Variants in SH2B1 observed in about 807,000 individuals in gnomAD.
The protein encoded by SH2B1 is SH2B adapter protein 1.
A neutral mutation model predicts 62.6 loss-of-function variants in SH2B1; 15 were observed. The observed-to-expected ratio is 0.24, with a 90% confidence interval of 0.16 to 0.37. The LOEUF (loss-of-function observed/expected upper bound fraction) is 0.37, where lower values mean the gene tolerates loss of function less well. SH2B1 is among the 10% of genes least tolerant of loss of function. The pLI, the probability that SH2B1 is intolerant of heterozygous loss-of-function variation, is 1.00. For missense variants in SH2B1, 925 were observed against 1,015.6 expected (o/e 0.91, Z 1.21); for synonymous variants, 443 against 438.0 (o/e 1.01, Z -0.14).
Position 28,872,102 on chromosome 16 carries a change from G to T in SH2B1, c.1514-88G>T. 1 of 1,413,672 alleles carries T rather than the reference G, an allele frequency of 7.1e-7. No individual in the cohort carries two copies. Among genetic ancestry groups the T allele is most frequent in the Non-Finnish European group, 9.9e-7 (1 of 1,009,780 alleles). The allele number at this position is 1,413,672 out of a possible 1,614,324, so 87.6% of individuals were successfully genotyped here. On this transcript the variant is annotated intron_variant, in intron 5 of 7. Coordinates refer to ENST00000684370, the MANE Select transcript of SH2B1 (RefSeq NM_001387430.1). The surrounding 1 kb of genome is among the most constrained non-coding windows in gnomAD (Gnocchi z 5.3). Reference sequence around the variant, plus strand: ...TTGGGGACGCATGTGGGGAGCAGGCGCCTTGAGGGGAAGGCAAGGCTTTTT... The same window carrying T: ...TTGGGGACGCATGTGGGGAGCAGGCTCCTTGAGGGGAAGGCAAGGCTTTTT...
chr16:28,853,111 C>G (rs1328202428), intron 1 of SH2B1, among the ~76,000 whole-genome samples: 1 of 112,896 alleles, frequency 8.9e-6, no homozygotes, highest in Non-Finnish European at 1.7e-5. Flanking sequence ...TTTATATATA[C>G]ATTTATATAT....
chr16:28,846,756 C>G (rs1961980718), exon 1 of SH2B1: 1 of 159,288 alleles, frequency 6.3e-6, no homozygotes, highest in African/African-American at 2.4e-5. Flanking sequence ...AGAGAGAGAC[C>G]CCGAGTCCCC....
In SH2B1 at chr16:28,866,099, A is replaced by G. The variant is rs748880429; in HGVS notation, c.5A>G (p.Asn2Ser). 6.4e-7 allele frequency: 1 copy of G among 1,564,938 alleles called. No homozygotes were observed. The highest frequency in any genetic ancestry group is 8.6e-7 in the Non-Finnish European group (1 of 1,158,402). Residue 2 changes from asparagine to serine, a missense_variant, in exon 1 of 8, where the codon AAT (asparagine) becomes AGT (serine). Physicochemically the swap from Asn to Ser is conservative, Grantham distance 46 (BLOSUM62 1). Around this residue, in one of 3 missense-constraint regions of SH2B1, gnomAD observed 683 missense variants for 704.0 expected, o/e 0.97. Coordinates refer to ENST00000684370, the MANE Select transcript of SH2B1 (RefSeq NM_001387430.1). This position sits in a 1 kb window ranked among gnomAD's most constrained non-coding sequence, Gnocchi z 6.3. Reference protein sequence around the residue: MNGAPSPEDGAS... With the variant: MSGAPSPEDGAS... Reference sequence around the variant, plus strand: ...CTCCACCTCCTGGGGCCCATCATGAATGGTGCCCCTTCCCCAGAGGACGGG... The same window carrying G: ...CTCCACCTCCTGGGGCCCATCATGAGTGGTGCCCCTTCCCCAGAGGACGGG...
At chr16:28,855,357 T>C (rs967607923) in intron 1 of SH2B1, among the ~76,000 whole-genome samples, 1 of 151,442 alleles carries the variant, frequency 6.6e-6, no homozygotes, top group Non-Finnish European at 1.5e-5. Flanking sequence ...GTAGCTGGGA[T>C]TACAGGCAAG....
At chr16:28,848,092 C>G (rs1368847419) in intron 1 of SH2B1, among the ~76,000 whole-genome samples, 1 of 151,630 alleles carries the variant, frequency 6.6e-6, no homozygotes, top group Non-Finnish European at 1.5e-5. Flanking sequence ...TCCCAAAGTG[C>G]TGGGACTACA....
At chr16:28,852,471 C>T (rs1274265622) in intron 1 of SH2B1, among the ~76,000 whole-genome samples, 3 of 71,714 alleles carry the variant, frequency 4.2e-5, no homozygotes, top group Admixed American at 2.4e-4. Flanking sequence ...TATATATATA[C>T]ATATATATTT....
rs937763922 is a variant in SH2B1 at position 28,865,302 on chromosome 16, C to T, written c.-793C>T. On this transcript the variant is annotated 5_prime_UTR_variant, in exon 1 of 8. Transcript: ENST00000684370. ...TATTTCACATCTCCTTCACGCAGTG[C>T]GTGGGTGCTGGACTCTGGGGTCAGC... The T allele has an allele frequency of 4.4e-5, 43 of 985,570 alleles. No individual in the cohort carries two copies. Among genetic ancestry groups the T allele is most frequent in the Non-Finnish European group, 5.1e-5 (42 of 829,998 alleles). 61.1% of individuals were successfully genotyped at this position (985,570 alleles called of 1,614,324 possible). A position where few individuals can be genotyped will look rare whatever the true frequency, so the allele number is the denominator to read the frequency against.
chr16:28,869,169 G>T (rs759145876), intron 3 of SH2B1, 39 bp from the exon 4 acceptor site: 5 of 1,613,740 alleles, frequency 3.1e-6, no homozygotes, highest in Non-Finnish European at 1.7e-6. Context: ...CTCTCACCTG[G>T]TGACTTTCCT....
At position 28,872,051 on chromosome 16, in the gene SH2B1, A is replaced by G. The variant is rs1963073627; in HGVS notation, c.1513+68A>G. On this transcript the variant is annotated intron_variant, in intron 5 of 7. Transcript: ENST00000684370. The surrounding 1 kb of genome is among the most constrained non-coding windows in gnomAD (Gnocchi z 5.3). ...TACCTTCCTGACCACCTCTCCTGGG[A>G]TCCCGAGGGAGCTGGCCCAGGGGAG... 1.5e-6 allele frequency: 2 copies of G among 1,334,886 alleles called. No homozygotes were observed. The highest frequency in any genetic ancestry group is 2.1e-6 in the Non-Finnish European group (2 of 930,948). 82.7% of individuals were successfully genotyped at this position (1,334,886 alleles called of 1,614,324 possible). A position where few individuals can be genotyped will look rare whatever the true frequency, so the allele number is the denominator to read the frequency against.
rs1211653870 is a variant in SH2B1, at chr16:28,852,785, C to CATATATATGTATATATATATTTAT, written c.-301+5966_-301+5967insGTATATATATATTTATATATATAT. ...ATATATATATTTATATATATATTTACATATATATTTACATATATATTTACA... is the reference window on the plus strand; with the variant it reads ...ATATATATATTTATATATATATTTACATATATATGTATATATATATTTATATATATATTTACATATATATTTACA... On this transcript the variant is annotated intron_variant, in intron 1 of 10. Coordinates refer to the SH2B1 transcript ENST00000322610. Among the ~76,000 whole-genome samples, 3 of 41,666 alleles carry CATATATATGTATATATATATTTAT rather than the reference C, an allele frequency of 7.2e-5. 1 individual carries two copies. The highest frequency in any genetic ancestry group is 1.4e-4 in the Non-Finnish European group (3 of 21,450). 27.3% of individuals were successfully genotyped at this position (41,666 alleles called of 152,430 possible).
At chr16:28,870,047 G>A (rs888883636) in intron 4 of SH2B1, among the ~76,000 whole-genome samples, 1 of 152,214 alleles carries the variant, frequency 6.6e-6, no homozygotes, top group African/African-American at 2.4e-5. Flanking sequence ...GGACACCTGA[G>A]GGTCACTGAG....
chr16:28,863,593 G>C, upstream of SH2B1: 1 of 1,312,184 alleles, frequency 7.6e-7, no homozygotes, highest in Non-Finnish European at 1.0e-6. Context: ...TCGCCCCTTT[G>C]TCCCGAATTT....
Position 28,869,191 on chromosome 16 carries a change from C to G in SH2B1, c.1134-17C>G, listed in dbSNP as rs1406879395. On this transcript the variant is annotated splice_polypyrimidine_tract_variant and intron_variant, in intron 3 of 7. Coordinates refer to ENST00000684370, the MANE Select transcript of SH2B1 (RefSeq NM_001387430.1). ...CTGGTGACTTTCCTCCCAGCACCATCTTCCCTGTCTCTGCAGACCCTGCCC... is the reference window on the plus strand; with the variant it reads ...CTGGTGACTTTCCTCCCAGCACCATGTTCCCTGTCTCTGCAGACCCTGCCC... 6.2e-7 allele frequency: 1 copy of G among 1,613,938 alleles called. No homozygotes were observed.
At position 28,866,793 on chromosome 16, in the gene SH2B1, C is replaced by G; in HGVS notation, c.699C>G (p.Leu233=). 2 of 1,582,100 alleles carry G rather than the reference C, an allele frequency of 1.3e-6. No homozygotes were observed. Among genetic ancestry groups the G allele is most frequent in the Non-Finnish European group, 1.7e-6 (2 of 1,164,934 alleles). ...RWTHRFERLR[L]SRGGGALKDG... is the part of the protein sequence containing the mutation. The stretch of plus-strand genomic sequence containing the variant: ...CTCACCGTTTTGAGAGGCTGAGACT[C>G]AGTCGGGGAGGGGGCGCCTTGAAGG... Residue 233 remains leucine, a synonymous_variant, in exon 1 of 8, where the codon CTC becomes CTG. Coordinates refer to ENST00000684370, the MANE Select transcript of SH2B1 (RefSeq NM_001387430.1). The surrounding 1 kb of genome is among the most constrained non-coding windows in gnomAD (Gnocchi z 6.3).
rs1490966046 is a variant in SH2B1 at position 28,853,622 on chromosome 16, TGGG to T, written c.-301+6796_-301+6798del. 2.0e-5 allele frequency among the ~76,000 whole-genome samples: 3 copies of T among 150,920 alleles called. No homozygotes were observed. The East Asian group carries it at 5.8e-4, about 29-fold the overall frequency. On this transcript the variant is annotated intron_variant, in intron 1 of 10. Coordinates refer to the SH2B1 transcript ENST00000322610. ...CTCCCACTTTAGCTTCCTGAAATGC[TGGG>T]ATTTCAGGTGTGAACCATCACGCCC...
intron 1 of SH2B1, among the ~76,000 whole-genome samples, chr16:28,851,001 G>A (rs186307273): frequency 2.0e-5 from 3 of 150,084 alleles, no homozygotes; most frequent in Admixed American, 2.0e-4. Context: ...GGTGAAACCC[G>A]TCTCTACTAA....
In SH2B1 at chr16:28,863,876, G is replaced by C; in HGVS notation, c.-2219G>C. The stretch of plus-strand genomic sequence containing the variant: ...CTGGGCGCTCGTCGCGTAGTGGGTG[G>C]GGGCGCAGGGAGCGGGAGCCGCCGC... On this transcript the variant is annotated 5_prime_UTR_variant, in exon 1 of 8. Transcript: ENST00000684370. 1 of 1,511,852 alleles carries C rather than the reference G, an allele frequency of 6.6e-7. No homozygotes were observed. Among genetic ancestry groups the C allele is most frequent in the Non-Finnish European group, 8.8e-7 (1 of 1,136,554 alleles). The allele number at this position is 1,511,852 out of a possible 1,614,324, so 93.7% of individuals were successfully genotyped here. A position where few individuals can be genotyped will look rare whatever the true frequency, so the allele number is the denominator to read the frequency against.
intron 4 of SH2B1, among the ~76,000 whole-genome samples, 196 bp downstream of exon 4, chr16:28,869,579 C>T (rs768849293): frequency 2.6e-5 from 4 of 152,166 alleles, no homozygotes; most frequent in South Asian, 2.1e-4. Flanking sequence ...ATCATGACCC[C>T]ACGCAGGCCC....
intron 1 of SH2B1, among the ~76,000 whole-genome samples, chr16:28,852,364 T>TTA (rs1162355197): frequency 1.2e-5 from 1 of 83,658 alleles, no homozygotes; most frequent in Non-Finnish European, 2.0e-5. Flanking sequence ...ATATATATAT[T>TTA]TATATATATT....
Sources: gnomAD v4.1 joint callset for allele counts (sites outside exome capture counted in the v4.1 genomes callset) on GRCh38, gnomAD v4.1.1 for gene constraint, gnomAD v4.1.1 regional missense constraint, Gnocchi (gnomAD v3.1) non-coding constraint, MANE v1.5 for transcripts, NCBI Gene and HGNC (gene_info 2026-07-23, HGNC 2026-07-21) for gene names.